Variants in RIMS1 observed in about 807,000 individuals in gnomAD.
RIMS1 encodes regulating synaptic membrane exocytosis protein 1.
In RIMS1, 83 loss-of-function variants were observed where a neutral mutation model predicts 214.1. The observed-to-expected ratio is 0.39, with a 90% CI of 0.32 to 0.47. RIMS1 has a LOEUF of 0.47. Among genes scored for constraint, RIMS1 ranks in the 20% least tolerant of loss-of-function variants. The pLI is 0.99. For missense variants in RIMS1, 2,050 were observed against 2,161.8 expected (o/e 0.95, Z 1.03); for synonymous variants, 793 against 786.8 (o/e 1.01, Z -0.13).
chr6:71,997,359 T>G (rs1288383380), intron 2 of RIMS1, among the ~76,000 whole-genome samples: 3 of 152,166 alleles, frequency 2.0e-5, no homozygotes, highest in Non-Finnish European at 4.4e-5. Context: ...TCAAAATTCC[T>G]GGTTATAGAA....
At chr6:72,163,596 T>C (rs2045797998) in intron 4 of RIMS1, among the ~76,000 whole-genome samples, 3 of 141,006 alleles carry the variant, frequency 2.1e-5, no homozygotes, top group Non-Finnish European at 4.8e-5. Context: ...AGTTTTCCTT[T>C]TAGCAGGCAA....
chr6:72,213,189 G>C, intron 6 of RIMS1: 1 of 1,536,800 alleles, frequency 6.5e-7, no homozygotes, highest in Non-Finnish European at 8.7e-7. Flanking sequence ...TGATTCCGAA[G>C]AGGGAACAAT....
At chr6:72,067,962 G>T (rs897374342) in intron 2 of RIMS1, among the ~76,000 whole-genome samples, 1 of 152,238 alleles carries the variant, frequency 6.6e-6, no homozygotes, top group Non-Finnish European at 1.5e-5. Context: ...TGGATAACTT[G>T]CCCAGAATCA....
chr6:72,084,116 A>T lies in RIMS1; in HGVS notation c.246-12833A>T, dbSNP rs1483853991. 2.0e-5 allele frequency among the ~76,000 whole-genome samples: 3 copies of T among 152,166 alleles called. No individual in the cohort carries two copies. The East Asian group carries it at 5.8e-4, about 29-fold the overall frequency. ...CTTTGGCTTGCTCATATGTGTAGAC[A>T]CCACTGTCTTCTAAATTGCCAACAC... On this transcript the variant is annotated intron_variant, in intron 2 of 33. Coordinates refer to ENST00000521978, the MANE Select transcript of RIMS1 (RefSeq NM_014989.7).
At chr6:71,913,348 C>T (rs894011775) in intron 1 of RIMS1, among the ~76,000 whole-genome samples, 4 of 152,118 alleles carry the variant, frequency 2.6e-5, no homozygotes, top group Admixed American at 2.6e-4. Context: ...GGGACGGTTA[C>T]TTGGTAGAGC....
At chr6:72,084,436 C>G (rs781512970) in intron 2 of RIMS1, among the ~76,000 whole-genome samples, 14 of 151,924 alleles carry the variant, frequency 9.2e-5, no homozygotes, top group Non-Finnish European at 1.8e-4. Flanking sequence ...TTAAAATTAC[C>G]CTTTCTTGAA....
chr6:71,997,189 T>C (rs979009706), intron 2 of RIMS1, among the ~76,000 whole-genome samples: 1 of 152,180 alleles, frequency 6.6e-6, no homozygotes, highest in Non-Finnish European at 1.5e-5. Context: ...AAATAAACTT[T>C]TTCATATTAA....
At chr6:72,047,331 G>A (rs1392369507) in intron 2 of RIMS1, among the ~76,000 whole-genome samples, 1 of 152,124 alleles carries the variant, frequency 6.6e-6, no homozygotes, top group Non-Finnish European at 1.5e-5. Flanking sequence ...GCAAATCATG[G>A]AATTTTCAGC....
intron 23 of RIMS1, among the ~76,000 whole-genome samples, chr6:72,279,230 G>A (rs551938123): frequency 1.3e-5 from 2 of 151,968 alleles, no homozygotes; most frequent in East Asian, 3.9e-4. Context: ...AATTACCTCT[G>A]TTTTTCATCA....
At chr6:71,910,936 TA>T (rs905258409) in intron 1 of RIMS1, among the ~76,000 whole-genome samples, 1 of 152,062 alleles carries the variant, frequency 6.6e-6, no homozygotes, top group African/African-American at 2.4e-5. Flanking sequence ...ATAGGAAGAT[TA>T]GATTGAAGGA....
At chr6:72,200,128 C>T (rs1022345101) in intron 6 of RIMS1, among the ~76,000 whole-genome samples, 16 of 152,018 alleles carry the variant, frequency 1.1e-4, no homozygotes, top group Non-Finnish European at 2.4e-4. Flanking sequence ...TCTTCTGGGG[C>T]CTTCCATAAT....
chr6:71,899,300 TG>T (rs1347629887), intron 1 of RIMS1, among the ~76,000 whole-genome samples: 2 of 150,684 alleles, frequency 1.3e-5, no homozygotes, highest in East Asian at 4.0e-4. Context: ...AATAATGTTT[TG>T]GTTTTTTTTA....
intron 29 of RIMS1, among the ~76,000 whole-genome samples, chr6:72,388,314 C>T (rs542307610): frequency 1.3e-5 from 2 of 152,262 alleles, no homozygotes; most frequent in East Asian, 3.9e-4. Context: ...AAGCAGCATG[C>T]TTGCAGGCTT....
chr6:72,331,011 A>G (rs1361044648), intron 28 of RIMS1, among the ~76,000 whole-genome samples: 2 of 151,698 alleles, frequency 1.3e-5, no homozygotes, highest in African/African-American at 2.4e-5. Context: ...CCCCCTCCCA[A>G]TGATAACACT....
chr6:72,325,912 C>T (rs1423724329), intron 28 of RIMS1, among the ~76,000 whole-genome samples: 1 of 151,724 alleles, frequency 6.6e-6, no homozygotes, highest in Non-Finnish European at 1.5e-5. Flanking sequence ...AATCACCAGT[C>T]CCTGTGTTAT....
chr6:72,174,482 A>T (rs2047448288), intron 4 of RIMS1, among the ~76,000 whole-genome samples: 1 of 152,182 alleles, frequency 6.6e-6, no homozygotes. Flanking sequence ...ATATGTTCTA[A>T]AATTTTACCA....
At chr6:71,955,078 G>A (rs1024674172) in intron 1 of RIMS1, among the ~76,000 whole-genome samples, 1 of 151,962 alleles carries the variant, frequency 6.6e-6, no homozygotes, top group African/African-American at 2.4e-5. Context: ...AATATGCCAT[G>A]ATTTTTTTTA....
chr6:72,071,472 T>A (rs896390205), intron 2 of RIMS1, among the ~76,000 whole-genome samples: 17 of 152,112 alleles, frequency 1.1e-4, no homozygotes, highest in Admixed American at 1.1e-3. Flanking sequence ...AATCTAAAAG[T>A]ATTTTGTCCT....
At chr6:72,129,304 A>G (rs542749275) in intron 4 of RIMS1, among the ~76,000 whole-genome samples, 32 of 152,304 alleles carry the variant, frequency 2.1e-4, no homozygotes, top group African/African-American at 7.7e-4. Flanking sequence ...AATGGCATAT[A>G]CATTTCACTA....
Sources: allele counts gnomAD v4.1 joint callset (sites outside exome capture counted in the v4.1 genomes callset), GRCh38; gene constraint gnomAD v4.1.1; transcripts MANE v1.5; gene names NCBI Gene and HGNC (gene_info 2026-07-23, HGNC 2026-07-21).